The following DPY19L1 variants were observed in gnomAD, a reference collection of about 807,000 sequenced individuals.
The protein encoded by DPY19L1 is dpy-19 like C-mannosyltransferase 1.
Under a neutral mutation model 96.9 loss-of-function variants are expected in DPY19L1, and 35 were observed. That is an observed-to-expected ratio of 0.36 (90% CI 0.28 to 0.48). DPY19L1 has a LOEUF of 0.48. DPY19L1 is among the 20% of genes least tolerant of loss of function. The pLI is 0.99. For missense variants in DPY19L1, 521 were observed against 777.9 expected (o/e 0.67, Z 3.93); for synonymous variants, 205 against 252.6 (o/e 0.81, Z 1.79).
At chr7:34,954,452 C>T (rs1784331143) in intron 13 of DPY19L1, 1 of 261,552 alleles carries the variant, frequency 3.8e-6, no homozygotes, top group African/African-American at 2.3e-5. Context: ...CTATTATCTA[C>T]AGTTTTCCTG....
intron 1 of DPY19L1, among the ~76,000 whole-genome samples, chr7:35,026,424 T>C (rs902113423): frequency 1.3e-5 from 2 of 152,010 alleles, no homozygotes; most frequent in African/African-American, 2.4e-5. Flanking sequence ...GGCATGGGGG[T>C]TGGTGATTGT....
At chr7:35,025,851 T>G (rs1434665722) in intron 1 of DPY19L1, among the ~76,000 whole-genome samples, 1 of 152,216 alleles carries the variant, frequency 6.6e-6, no homozygotes, top group African/African-American at 2.4e-5. Flanking sequence ...TTTACCCCAC[T>G]GTGCCACACA....
chr7:34,964,868 C>T (rs1331102775), intron 10 of DPY19L1, among the ~76,000 whole-genome samples: 2 of 151,910 alleles, frequency 1.3e-5, no homozygotes, highest in South Asian at 2.1e-4. Flanking sequence ...GGTAAAAGAT[C>T]TGAATAGGAA....
intron 6 of DPY19L1, among the ~76,000 whole-genome samples, chr7:34,990,478 C>T (rs1183157047): frequency 6.6e-6 from 1 of 152,184 alleles, no homozygotes; most frequent in Non-Finnish European, 1.5e-5. Context: ...ATCCCATCCC[C>T]AAGCTACTTT....
intron 6 of DPY19L1, among the ~76,000 whole-genome samples, chr7:35,005,425 A>G (rs913461873): frequency 6.6e-5 from 10 of 151,428 alleles, no homozygotes; most frequent in African/African-American, 2.4e-4. Context: ...GAATGGGACC[A>G]GGGCCTCGCT....
intron 7 of DPY19L1, among the ~76,000 whole-genome samples, chr7:34,986,870 T>A (rs1194772305): frequency 3.3e-5 from 5 of 152,184 alleles, no homozygotes; most frequent in East Asian, 1.9e-4. Context: ...ATTACTTTTT[T>A]AAAATGTATT....
At chr7:35,037,816 ACCT>A (rs1243067027), upstream of DPY19L1, 1 of 1,225,942 alleles carries the variant, frequency 8.2e-7, no homozygotes, top group Non-Finnish European at 1.0e-6. Context: ...GGCTACCCAC[ACCT>A]CTTCGGCGCC....
At chr7:34,967,556 G>T (rs779762296) in intron 9 of DPY19L1, among the ~76,000 whole-genome samples, 32 of 151,984 alleles carry the variant, frequency 2.1e-4, no homozygotes, top group Non-Finnish European at 4.4e-4. Flanking sequence ...GAAGAAAATT[G>T]TATGTTATAT....
rs555065175 is a variant in DPY19L1 at position 34,976,904 on chromosome 7, C to T, written c.823-3299G>A. On this transcript the variant is annotated intron_variant, in intron 7 of 21. Transcript: ENST00000638088. ...GTTCAAGCGATTCTCCTGCCTCAGC[C>T]TCCCGAGTAGCTGGGACTACAGGCA... Among the ~76,000 whole-genome samples the T allele has an allele frequency of 4.6e-5, 7 of 152,200 alleles. No individual in the cohort carries two copies. In the Middle Eastern group the frequency reaches 0.01, roughly 222 times the overall value.
intron 6 of DPY19L1, among the ~76,000 whole-genome samples, chr7:34,992,287 T>C (rs1785187333): frequency 6.6e-6 from 1 of 152,212 alleles, no homozygotes; most frequent in African/African-American, 2.4e-5. Context: ...TTCATATTCT[T>C]GTCTATTTTT....
intron 1 of DPY19L1, among the ~76,000 whole-genome samples, chr7:35,032,175 T>C (rs1240198582): frequency 6.6e-6 from 1 of 152,126 alleles, no homozygotes; most frequent in Non-Finnish European, 1.5e-5. Flanking sequence ...AATGTTAGGG[T>C]TTCTCAGAAT....
At chr7:34,994,127 A>C (rs1785232967) in intron 6 of DPY19L1, among the ~76,000 whole-genome samples, 1 of 152,236 alleles carries the variant, frequency 6.6e-6, no homozygotes, top group Non-Finnish European at 1.5e-5. Flanking sequence ...AACTTCTAGA[A>C]ATACAAAGAG....
chr7:34,946,611 A>C (rs1469469629), intron 15 of DPY19L1, among the ~76,000 whole-genome samples: 1 of 152,242 alleles, frequency 6.6e-6, no homozygotes, highest in East Asian at 1.9e-4. Context: ...AGTGCAAAGC[A>C]CACACAAAGC....
rs891267048 is a variant in DPY19L1 at position 34,984,409 on chromosome 7, A to G, written c.822+5475T>C. Among the ~76,000 whole-genome samples, 9 of 152,304 alleles carry G rather than the reference A, an allele frequency of 5.9e-5. No individual in the cohort carries two copies. In the East Asian group the frequency reaches 9.6e-4, roughly 16 times the overall value. ...AAGGAAAAGGAATAGTCCTTTCTGG[A>G]AACAGAAGAAAGAAGGGCCAATAGG... On this transcript the variant is annotated intron_variant, in intron 7 of 21. Transcript: ENST00000638088.
chr7:34,959,046 G>C (rs1370843395), intron 10 of DPY19L1, among the ~76,000 whole-genome samples: 1 of 151,790 alleles, frequency 6.6e-6, no homozygotes, highest in Non-Finnish European at 1.5e-5. Flanking sequence ...ATCAAAAAGT[G>C]GGTGAAGGAT....
At chr7:34,986,057 C>T (rs1185989813) in intron 7 of DPY19L1, among the ~76,000 whole-genome samples, 7 of 151,968 alleles carry the variant, frequency 4.6e-5, no homozygotes, top group Non-Finnish European at 1.0e-4. Flanking sequence ...AAACCAAGCA[C>T]AGGAAGGCAA....
intron 10 of DPY19L1, among the ~76,000 whole-genome samples, chr7:34,965,288 T>G (rs1193537707): frequency 2.0e-5 from 3 of 152,178 alleles, no homozygotes; most frequent in African/African-American, 7.2e-5. Context: ...TATGCTTTAT[T>G]TATATGATGG....
intron 17 of DPY19L1, among the ~76,000 whole-genome samples, chr7:34,942,148 A>T (rs1275675754): frequency 2.0e-5 from 3 of 152,182 alleles, no homozygotes; most frequent in Non-Finnish European, 2.9e-5. Context: ...TTTTTTAATC[A>T]ACCTTGATGC....
chr7:34,952,988 C>G lies in DPY19L1; in HGVS notation c.1320+1710G>C, dbSNP rs191702593. Among the ~76,000 whole-genome samples the G allele has an allele frequency of 1.6e-4, 25 of 152,276 alleles. No individual in the cohort carries two copies. The East Asian group carries it at 4.6e-3, about 28-fold the overall frequency. On this transcript the variant is annotated intron_variant, in intron 13 of 21. Coordinates refer to ENST00000638088, the MANE Select transcript of DPY19L1 (RefSeq NM_001366673.1). Reference sequence around the variant, plus strand: ...ACCTCAGCACCACCCCCATCTCCCCCATACTGTTAGTCCAACAGTTCTTTT... The same window carrying G: ...ACCTCAGCACCACCCCCATCTCCCCGATACTGTTAGTCCAACAGTTCTTTT...
Sources: allele counts gnomAD v4.1 joint callset (sites outside exome capture counted in the v4.1 genomes callset), GRCh38; gene constraint gnomAD v4.1.1; transcripts MANE v1.5; gene names NCBI Gene and HGNC (gene_info 2026-07-23, HGNC 2026-07-21).